PHACTR2: variants seen among roughly 807,000 people sequenced by gnomAD.
PHACTR2 encodes the protein phosphatase and actin regulator 2.
In PHACTR2, 30 loss-of-function variants were observed where a neutral mutation model predicts 76.0. The observed-to-expected ratio is 0.39, with a 90% CI of 0.30 to 0.54. The LOEUF is 0.54. Among genes scored for constraint, PHACTR2 ranks in the 20% least tolerant of loss-of-function variants. PHACTR2 has a pLI of 0.61. For missense variants in PHACTR2, 696 were observed against 781.1 expected, an observed-to-expected ratio of 0.89 and a Z score of 1.30; for synonymous variants, 292 against 292.5, an observed-to-expected ratio of 1.00 and a Z score of 0.02.
intron 1 of PHACTR2, among the ~76,000 whole-genome samples, chr6:143,609,896 T>C (rs1322939972): frequency 6.6e-6 from 1 of 152,222 alleles, no homozygotes; most frequent in Non-Finnish European, 1.5e-5. Flanking sequence ...TGGGGGATGT[T>C]TTCACAATCT....
rs968665684 is a variant in PHACTR2, at chr6:143,663,786, CAG to C, written c.14-48226_14-48225del. ...ATTTTTAATTTAATTACATTATGGT[CAG>C]AGATCAGGGATTACTTAATATGAAT... On this transcript the variant is annotated intron_variant, in intron 1 of 11. Transcript: ENST00000305766. This position sits in a 1 kb window ranked among gnomAD's most constrained non-coding sequence, Gnocchi z 4.1. Among the ~76,000 whole-genome samples the C allele has an allele frequency of 3.3e-4, 50 of 151,788 alleles. No individual in the cohort carries two copies. The highest frequency in any genetic ancestry group is 1.2e-3 in the African/African-American group (48 of 41,326).
chr6:143,577,128 AATTTTAAGTTAT>A (rs1468157378), intron 1 of PHACTR2, among the ~76,000 whole-genome samples: 1 of 152,164 alleles, frequency 6.6e-6, no homozygotes, highest in Non-Finnish European at 1.5e-5. Flanking sequence ...AACATTTTTC[AATTTTAAGTTAT>A]ATTTTAAGAA....
chr6:143,758,487 T>A (rs1332816873), intron 4 of PHACTR2, among the ~76,000 whole-genome samples: 2 of 152,202 alleles, frequency 1.3e-5, no homozygotes, highest in East Asian at 3.8e-4. Flanking sequence ...AAGTTAAAAT[T>A]AAATTTTATA....
chr6:143,611,286 C>T lies in PHACTR2; in HGVS notation c.13+2964C>T, dbSNP rs1173834465. Among the ~76,000 whole-genome samples the T allele has an allele frequency of 6.6e-6, 1 of 152,098 alleles. No individual in the cohort carries two copies. Among genetic ancestry groups the T allele is most frequent in the Non-Finnish European group, 1.5e-5 (1 of 68,026 alleles). The stretch of plus-strand genomic sequence containing the variant: ...GGGGAGGTGGCAGCTGCTGAGAGCC[C>T]CTGCGCCTTCACCGTGCATTCTAGC... On this transcript the variant is annotated intron_variant, in intron 1 of 11. Coordinates refer to the PHACTR2 transcript ENST00000305766. This position sits in a 1 kb window ranked among gnomAD's most constrained non-coding sequence, Gnocchi z 4.4.
intron 1 of PHACTR2, among the ~76,000 whole-genome samples, chr6:143,600,106 G>A (rs1890405): frequency 0.22 from 33,122 of 152,190 alleles, 3,681 homozygotes; most frequent in South Asian, 0.33. Context: ...GCTGCCCGCC[G>A]TCCGGCCGGC....
rs1204928178 is a variant in PHACTR2 at position 143,809,773 on chromosome 6, T to G, written c.1922+2640T>G. On this transcript the variant is annotated intron_variant, in intron 12 of 12. Coordinates refer to ENST00000440869, the MANE Select transcript of PHACTR2 (RefSeq NM_001100164.2). The surrounding 1 kb of genome is among the most constrained non-coding windows in gnomAD (Gnocchi z 4.2). ...CATGTATGCATTTATATGTACCCTC[T>G]CTCACACATAAACACAGCATCTAAG... Among the ~76,000 whole-genome samples the G allele has an allele frequency of 6.6e-6, 1 of 152,110 alleles. No homozygotes were observed. The highest frequency in any genetic ancestry group is 1.9e-4 in the East Asian group (1 of 5,196).
rs1776401352 is a variant in PHACTR2, at chr6:143,633,617, C to G, written c.13+25295C>G. ...TGTCTTCTCATTATCTTGACATTGT[C>G]TTTCAGAGAGTAGAAGTTGTTAATT... On this transcript the variant is annotated intron_variant, in intron 1 of 11. Transcript: ENST00000305766. The surrounding 1 kb of genome is among the most constrained non-coding windows in gnomAD (Gnocchi z 4.1). Among the ~76,000 whole-genome samples, 1 of 152,122 alleles carries G rather than the reference C, an allele frequency of 6.6e-6. No individual in the cohort carries two copies. Among genetic ancestry groups the G allele is most frequent in the African/African-American group, 2.4e-5 (1 of 41,426 alleles).
In PHACTR2 at chr6:143,807,295, T is replaced by C. The variant is rs1475232811; in HGVS notation, c.1922+162T>C. 1.3e-5 allele frequency among the ~76,000 whole-genome samples: 2 copies of C among 152,252 alleles called. No homozygotes were observed. Among genetic ancestry groups the C allele is most frequent in the African/African-American group, 4.8e-5 (2 of 41,468 alleles). ...AACAGTTTAGCTTAAAACCATCTTA[T>C]GAACATTTCCGCTTCTCTCACATTC... is the stretch of plus-strand genomic sequence containing the variant. On this transcript the variant is annotated intron_variant, in intron 12 of 12. Transcript: ENST00000440869. The surrounding 1 kb of genome is among the most constrained non-coding windows in gnomAD (Gnocchi z 5.5).
Position 143,589,423 on chromosome 6 carries a change from A to C in PHACTR2, c.217+52216A>C, listed in dbSNP as rs1011922642. Reference sequence around the variant, plus strand: ...GCCTGCTTCCTCTTTGCCTTTTGCCATGATTCCAAGTTTCCTGAGGCCTCC... The same window carrying C: ...GCCTGCTTCCTCTTTGCCTTTTGCCCTGATTCCAAGTTTCCTGAGGCCTCC... On this transcript the variant is annotated intron_variant, in intron 1 of 11. Coordinates refer to the PHACTR2 transcript ENST00000367584. The surrounding 1 kb of genome is among the most constrained non-coding windows in gnomAD (Gnocchi z 4.4). 1.3e-5 allele frequency among the ~76,000 whole-genome samples: 2 copies of C among 152,124 alleles called. No homozygotes were observed. Among genetic ancestry groups the C allele is most frequent in the East Asian group, 3.9e-4 (2 of 5,194 alleles).
At position 143,823,920 on chromosome 6, in the gene PHACTR2, G is replaced by A. The variant is rs1417800284; in HGVS notation, c.*231G>A. Reference sequence around the variant, plus strand: ...ACTCTTGCTGCCCAGAATGCACAGCGATGGTAAGAGACACCGTGGATATTC... The same window carrying A: ...ACTCTTGCTGCCCAGAATGCACAGCAATGGTAAGAGACACCGTGGATATTC... On this transcript the variant is annotated 3_prime_UTR_variant, in exon 13 of 13. Coordinates refer to ENST00000440869, the MANE Select transcript of PHACTR2 (RefSeq NM_001100164.2). The surrounding 1 kb of genome is among the most constrained non-coding windows in gnomAD (Gnocchi z 5.7). 1.4e-5 allele frequency: 6 copies of A among 430,552 alleles called. No homozygotes were observed. The highest frequency in any genetic ancestry group is 3.5e-5 in the East Asian group (1 of 28,772). 26.7% of individuals were successfully genotyped at this position (430,552 alleles called of 1,614,324 possible).
chr6:143,715,710 T>G (rs1184765571), intron 2 of PHACTR2, among the ~76,000 whole-genome samples: 1 of 152,146 alleles, frequency 6.6e-6, no homozygotes, highest in African/African-American at 2.4e-5. Context: ...TATCTATAAA[T>G]GCATTCCAAC....
chr6:143,756,393 T>C (rs1270290983), intron 4 of PHACTR2, among the ~76,000 whole-genome samples: 1 of 152,044 alleles, frequency 6.6e-6, no homozygotes, highest in Non-Finnish European at 1.5e-5. Flanking sequence ...TAAGTGCCTT[T>C]ATATATATAA....
chr6:143,792,519 G>A (rs1775714799), intron 11 of PHACTR2, among the ~76,000 whole-genome samples: 1 of 152,078 alleles, frequency 6.6e-6, no homozygotes, highest in South Asian at 2.1e-4. Flanking sequence ...AAAACTTAGT[G>A]ATTGAAAACA....
rs187707994 is a variant in PHACTR2 at position 143,804,758 on chromosome 6, T to C, written c.1846-2299T>C. On this transcript the variant is annotated intron_variant, in intron 11 of 12. Transcript: ENST00000440869. ...CAACCTACTATTGCAAATAAGGACT[T>C]TATCTTATTCATGGTTAAGTCAACT... is the stretch of plus-strand genomic sequence containing the variant. 1.6e-4 allele frequency among the ~76,000 whole-genome samples: 25 copies of C among 152,328 alleles called. No homozygotes were observed. The East Asian group carries it at 3.9e-3, about 24-fold the overall frequency.
At chr6:143,796,707 A>G (rs947094641) in intron 11 of PHACTR2, among the ~76,000 whole-genome samples, 1 of 152,110 alleles carries the variant, frequency 6.6e-6, no homozygotes, top group Non-Finnish European at 1.5e-5. Flanking sequence ...GATGGTTTCC[A>G]GCTTCATCCG....
intron 6 of PHACTR2, among the ~76,000 whole-genome samples, chr6:143,766,666 C>T (rs1779569859): frequency 6.6e-6 from 1 of 152,212 alleles, no homozygotes; most frequent in Non-Finnish European, 1.5e-5. Flanking sequence ...TGTTACCTCA[C>T]CCTCATCCAG....
intron 1 of PHACTR2, among the ~76,000 whole-genome samples, chr6:143,600,062 T>A (rs545109811): frequency 3.3e-5 from 5 of 152,254 alleles, no homozygotes; most frequent in Non-Finnish European, 7.3e-5. Context: ...TAAAGTCTAC[T>A]AGAGAGAATC....
At chr6:143,790,198 A>G (rs867423178) in intron 11 of PHACTR2, among the ~76,000 whole-genome samples, 2 of 152,134 alleles carry the variant, frequency 1.3e-5, no homozygotes, top group African/African-American at 2.4e-5. Flanking sequence ...ATGGCTGGTG[A>G]TTGTGAAGGT....
rs1452842085 is a variant in PHACTR2, at chr6:143,789,613, T to C, written c.1845+703T>C. Among the ~76,000 whole-genome samples, 1 of 152,242 alleles carries C rather than the reference T, an allele frequency of 6.6e-6. No individual in the cohort carries two copies. The highest frequency in any genetic ancestry group is 1.9e-4 in the East Asian group (1 of 5,202). On this transcript the variant is annotated intron_variant, in intron 11 of 12. Transcript: ENST00000440869. This position sits in a 1 kb window ranked among gnomAD's most constrained non-coding sequence, Gnocchi z 5.1. ...GTGCCAACCGTTTGTTTTTAAATTG[T>C]TCTAATTTTTATCTCTTAGCAAAAT...
Sources: allele counts gnomAD v4.1 joint callset (sites outside exome capture counted in the v4.1 genomes callset), GRCh38; gene constraint gnomAD v4.1.1; non-coding constraint Gnocchi (gnomAD v3.1); transcripts MANE v1.5; gene names NCBI Gene and HGNC (gene_info 2026-07-23, HGNC 2026-07-21).